ABRAXAS2: variants seen among roughly 807,000 people sequenced by gnomAD.
ABRAXAS2 encodes the protein abraxas 2, BRISC complex subunit.
In ABRAXAS2, 23 loss-of-function variants were observed where a neutral mutation model predicts 49.0. The observed-to-expected ratio is 0.47, with a 90% CI of 0.34 to 0.66. The LOEUF (loss-of-function observed/expected upper bound fraction) is 0.66. Among genes scored for constraint, ABRAXAS2 ranks in the 30% least tolerant of loss-of-function variants. The pLI is 0.01. For synonymous variants in ABRAXAS2, 168 were observed against 180.2 expected (o/e 0.93, Z 0.54); for missense variants, 443 against 511.9 (o/e 0.87, Z 1.30).
chr10:124,821,523 G>A (rs1187204323), intron 4 of ABRAXAS2, among the ~76,000 whole-genome samples: 4 of 151,548 alleles, frequency 2.6e-5, no homozygotes, highest in Non-Finnish European at 4.4e-5. Flanking sequence ...CTGAGATTGC[G>A]CCACTGCACA....
Position 124,804,073 on chromosome 10 carries a change from T to A in ABRAXAS2, c.72+2172T>A, listed in dbSNP as rs574168165. ...TGTACTTGGCTTTAGAATGTCCTTT[T>A]AAAAAAAAAATTACAGACAAGGTCT... On this transcript the variant is annotated intron_variant, in intron 1 of 8. Transcript: ENST00000298492. 3.8e-4 allele frequency among the ~76,000 whole-genome samples: 58 copies of A among 150,656 alleles called. No individual in the cohort carries two copies. The South Asian group carries it at 9.4e-3, about 24-fold the overall frequency.
chr10:124,811,381 C>T (rs1950786516), intron 2 of ABRAXAS2, among the ~76,000 whole-genome samples: 1 of 152,070 alleles, frequency 6.6e-6, no homozygotes, highest in Non-Finnish European at 1.5e-5. Flanking sequence ...ACCTCTCTTA[C>T]CTGGCATGAT....
At chr10:124,810,080 T>A (rs1451968849) in intron 2 of ABRAXAS2, among the ~76,000 whole-genome samples, 2 of 152,184 alleles carry the variant, frequency 1.3e-5, no homozygotes, top group Non-Finnish European at 2.9e-5. Context: ...AAATTTTTTT[T>A]AAGCTCATCA....
At position 124,809,180 on chromosome 10, in the gene ABRAXAS2, C is replaced by A. The variant is rs1950768041; in HGVS notation, c.163+2259C>A. ...AAAAGAAAAGAAAAATGAAGAAATA[C>A]TGTTGGCAAGTGGCAACTTTGGTCA... On this transcript the variant is annotated intron_variant, in intron 2 of 8. Coordinates refer to ENST00000298492, the MANE Select transcript of ABRAXAS2 (RefSeq NM_032182.4). Among the ~76,000 whole-genome samples the A allele has an allele frequency of 1.3e-5, 2 of 152,160 alleles. 1 individual carries two copies. Among genetic ancestry groups the A allele is most frequent in the Non-Finnish European group, 2.9e-5 (2 of 68,022 alleles).
At chr10:124,825,363 G>A (rs1172147205) in intron 4 of ABRAXAS2, among the ~76,000 whole-genome samples, 1 of 151,382 alleles carries the variant, frequency 6.6e-6, no homozygotes, top group East Asian at 1.9e-4. Flanking sequence ...GAAAGGCTTG[G>A]GTTTTCTTTT....
chr10:124,801,953 C>T (rs1456547181), intron 1 of ABRAXAS2, 52 bp downstream of exon 1: 1 of 1,577,412 alleles, frequency 6.3e-7, no homozygotes, highest in African/African-American at 1.4e-5. Context: ...GCCTCTGTCT[C>T]AGGCCGGCGC....
chr10:124,805,497 T>C (rs776121372), intron 1 of ABRAXAS2, among the ~76,000 whole-genome samples: 11 of 152,244 alleles, frequency 7.2e-5, no homozygotes, highest in Non-Finnish European at 1.6e-4. Flanking sequence ...AACAAATTTA[T>C]TCAACCACTG....
At chr10:124,805,003 C>G (rs551049543) in intron 1 of ABRAXAS2, among the ~76,000 whole-genome samples, 3 of 151,946 alleles carry the variant, frequency 2.0e-5, no homozygotes, top group African/African-American at 7.3e-5. Flanking sequence ...CAAGAGCCAC[C>G]GTGCCCGGCC....
chr10:124,814,276 C>T (rs1366614560), intron 2 of ABRAXAS2, among the ~76,000 whole-genome samples: 3 of 151,256 alleles, frequency 2.0e-5, no homozygotes, highest in African/African-American at 7.3e-5. Flanking sequence ...AGGCATGAGC[C>T]ACCACGCCCG....
chr10:124,813,132 CG>C (rs1163325201), intron 2 of ABRAXAS2, among the ~76,000 whole-genome samples: 1 of 151,872 alleles, frequency 6.6e-6, no homozygotes, highest in East Asian at 1.9e-4. Flanking sequence ...ATGTGGGAGG[CG>C]GAGGTTGCAG....
chr10:124,819,061 T>C (rs2134165506), intron 3 of ABRAXAS2, among the ~76,000 whole-genome samples: 1 of 152,330 alleles, frequency 6.6e-6, no homozygotes, highest in African/African-American at 2.4e-5. Flanking sequence ...CGTTATCTTT[T>C]TTTCATAAGT....
At chr10:124,821,382 C>T (rs781614039) in intron 4 of ABRAXAS2, among the ~76,000 whole-genome samples, 25 of 151,792 alleles carry the variant, frequency 1.6e-4, no homozygotes, top group South Asian at 4.2e-4. Context: ...CTGGCTAACA[C>T]GGTGAAACCC....
At chr10:124,802,905 C>T (rs1435160395) in intron 1 of ABRAXAS2, among the ~76,000 whole-genome samples, 1 of 152,124 alleles carries the variant, frequency 6.6e-6, no homozygotes, top group Non-Finnish European at 1.5e-5. Context: ...GGAGGTGATT[C>T]CATTAGTAAA....
chr10:124,807,088 G>A (rs533987744), intron 2 of ABRAXAS2, among the ~76,000 whole-genome samples, 167 bp downstream of exon 2: 6 of 152,066 alleles, frequency 3.9e-5, no homozygotes, highest in South Asian at 2.1e-4. Flanking sequence ...CGAGGCGGGC[G>A]GATCACGAGG....
At chr10:124,807,503 A>AT (rs1950754001) in intron 2 of ABRAXAS2, among the ~76,000 whole-genome samples, 1 of 149,018 alleles carries the variant, frequency 6.7e-6, no homozygotes, top group Non-Finnish European at 1.5e-5. Context: ...AAATACAAAA[A>AT]TTAGCCGGGC....
At chr10:124,820,284 A>G (rs1950854274) in intron 4 of ABRAXAS2, among the ~76,000 whole-genome samples, 1 of 152,110 alleles carries the variant, frequency 6.6e-6, no homozygotes, top group Non-Finnish European at 1.5e-5. Context: ...CTGGTAGTCT[A>G]ACCAAGCTGC....
At chr10:124,808,779 G>A (rs940876822) in intron 2 of ABRAXAS2, among the ~76,000 whole-genome samples, 15 of 152,156 alleles carry the variant, frequency 9.9e-5, no homozygotes, top group African/African-American at 3.4e-4. Flanking sequence ...TAGCGAATCT[G>A]GCCTGTTCAT....
At chr10:124,817,842 G>A (rs941597651) in intron 3 of ABRAXAS2, among the ~76,000 whole-genome samples, 5 of 152,088 alleles carry the variant, frequency 3.3e-5, no homozygotes, top group Admixed American at 3.3e-4. Context: ...TGAGAACCTC[G>A]CCTCTTTTAG....
At chr10:124,824,893 TATGGCCACCATC>T (rs1016708749) in intron 4 of ABRAXAS2, among the ~76,000 whole-genome samples, 10 of 152,322 alleles carry the variant, frequency 6.6e-5, no homozygotes, top group African/African-American at 2.4e-4. Context: ...TTACCTTTTT[TATGGCCACCATC>T]ATGTCTAGTG....
Sources: allele counts gnomAD v4.1 joint callset (sites outside exome capture counted in the v4.1 genomes callset), GRCh38; gene constraint gnomAD v4.1.1; transcripts MANE v1.5; gene names NCBI Gene and HGNC (gene_info 2026-07-23, HGNC 2026-07-21).